GIN1: variants seen among roughly 807,000 people sequenced by gnomAD.
GIN1 encodes the protein gypsy retrotransposon integrase 1, also known as gypsy retrotransposon integrase-like protein 1.
Under a neutral mutation model 51.4 loss-of-function variants are expected in GIN1, and 41 were observed. The ratio of observed to expected loss-of-function variants is 0.80; its 90% CI spans 0.62 to 1.04. The LOEUF is 1.04. Among genes scored for constraint, GIN1 ranks in the 50% least tolerant of loss-of-function variants. The pLI, the probability that GIN1 is intolerant of heterozygous loss-of-function variation, is 0.00. For missense variants in GIN1, 610 were observed against 612.4 expected (o/e 1.00, Z 0.04); for synonymous variants, 222 against 206.5 (o/e 1.07, Z -0.64).
chr5:103,097,268 C>G (rs918375957), intron 6 of GIN1, 46 bp downstream of exon 6: 1 of 1,176,396 alleles, frequency 8.5e-7, no homozygotes, highest in African/African-American at 1.6e-5. Flanking sequence ...ATAAATATAA[C>G]TTTTATAAAG....
At chr5:103,094,676 T>G (rs1313905931) in intron 7 of GIN1, among the ~76,000 whole-genome samples, 1 of 152,184 alleles carries the variant, frequency 6.6e-6, no homozygotes, top group Non-Finnish European at 1.5e-5. Flanking sequence ...TAAAGAAGCT[T>G]AACACTTTAG....
rs78421729 is a variant in GIN1 at position 103,102,943 on chromosome 5, C to T, written c.639+1598G>A. ...TTCAATTTATGAGTATTTTAAATTG[C>T]TACTAAGTGGTTAGAACATAAATAC... On this transcript the variant is annotated intron_variant, in intron 4 of 7. Coordinates refer to ENST00000399004, the MANE Select transcript of GIN1 (RefSeq NM_017676.2). Among the ~76,000 whole-genome samples the T allele has an allele frequency of 2.2e-4, 34 of 152,200 alleles. No individual in the cohort carries two copies. In the East Asian group the frequency reaches 5.8e-3, roughly 26 times the overall value.
At chr5:103,093,289 G>A (rs1046460583) in intron 7 of GIN1, among the ~76,000 whole-genome samples, 1 of 152,136 alleles carries the variant, frequency 6.6e-6, no homozygotes, top group East Asian at 1.9e-4. Context: ...CAAGGTCAAG[G>A]GTCCTCAAAT....
intron 2 of GIN1, among the ~76,000 whole-genome samples, chr5:103,107,150 T>C (rs1257054031): frequency 6.6e-6 from 1 of 152,050 alleles, no homozygotes; most frequent in African/African-American, 2.4e-5. Context: ...TCAATATAAG[T>C]AGAGCAAGCT....
At chr5:103,117,216 A>G (rs1554197468) in intron 1 of GIN1, among the ~76,000 whole-genome samples, 1 of 152,152 alleles carries the variant, frequency 6.6e-6, no homozygotes, top group East Asian at 1.9e-4. Flanking sequence ...GATAAGGAAC[A>G]AACTATAAAT....
At chr5:103,099,788 GTTCTT>G (rs1195803467) in intron 4 of GIN1, among the ~76,000 whole-genome samples, 2 of 152,108 alleles carry the variant, frequency 1.3e-5, no homozygotes, top group African/African-American at 4.8e-5. Context: ...TTTACAAAAA[GTTCTT>G]TGTGCATTTT....
At chr5:103,100,815 A>G (rs1787551253) in intron 4 of GIN1, among the ~76,000 whole-genome samples, 1 of 152,154 alleles carries the variant, frequency 6.6e-6, no homozygotes, top group African/African-American at 2.4e-5. Flanking sequence ...ATACCTTGAA[A>G]CATTATATGC....
intron 1 of GIN1, among the ~76,000 whole-genome samples, chr5:103,117,053 C>T (rs1788050752): frequency 1.3e-5 from 2 of 151,958 alleles, no homozygotes; most frequent in African/African-American, 2.4e-5. Flanking sequence ...TAGATACTAA[C>T]CCAAAAGAAA....
intron 1 of GIN1, among the ~76,000 whole-genome samples, chr5:103,118,751 T>G (rs1354014220): frequency 2.6e-5 from 2 of 77,298 alleles, no homozygotes; most frequent in Non-Finnish European, 6.6e-5. Flanking sequence ...TGAAAGTTGT[T>G]TTTTTTTTTT....
chr5:103,090,993 A>G (rs149800883), intron 7 of GIN1, among the ~76,000 whole-genome samples: 2 of 152,296 alleles, frequency 1.3e-5, no homozygotes, highest in African/African-American at 4.8e-5. Flanking sequence ...GAGAACAAGG[A>G]CTACACACAG....
intron 7 of GIN1, among the ~76,000 whole-genome samples, chr5:103,092,945 C>CAAAAAAAAAA (rs5870040): frequency 3.3e-5 from 2 of 60,476 alleles, no homozygotes; most frequent in African/African-American, 6.4e-5. Context: ...GAACCTGTCT[C>CAAAAAAAAAA]AAAAAAAAAA....
rs1403829561 is a variant in GIN1 at position 103,101,692 on chromosome 5, C to CA, written c.639+2848dup. ...CATACTTTCATTCAACTGCTGAAAGCAAAAGTATGGGTGAGGAAACATGTG... is the reference window on the plus strand; with the variant it reads ...CATACTTTCATTCAACTGCTGAAAGCAAAAAGTATGGGTGAGGAAACATGTG... On this transcript the variant is annotated intron_variant, in intron 4 of 7. Coordinates refer to ENST00000399004, the MANE Select transcript of GIN1 (RefSeq NM_017676.2). 2.0e-5 allele frequency among the ~76,000 whole-genome samples: 3 copies of CA among 152,172 alleles called. No individual in the cohort carries two copies. The South Asian group carries it at 6.2e-4, about 31-fold the overall frequency.
intron 7 of GIN1, among the ~76,000 whole-genome samples, chr5:103,089,743 T>C (rs1043093691): frequency 2.0e-5 from 3 of 152,166 alleles, no homozygotes; most frequent in Non-Finnish European, 4.4e-5. Context: ...AATGGAAGTG[T>C]CTCAGAACAG....
rs1787400979 is a variant in GIN1, at chr5:103,096,633, C to T, written c.1202G>A (p.Cys401Tyr). The T allele has an allele frequency of 6.2e-7, 1 of 1,613,390 alleles. No individual in the cohort carries two copies. Among genetic ancestry groups the T allele is most frequent in the African/African-American group, 1.3e-5 (1 of 75,034 alleles). ...CVIDYITESGCAVLRDNTGVR... is the reference protein window; with the variant it reads ...CVIDYITESGYAVLRDNTGVR... ...CCCAGTGTTGTCTCTCAGGACAGCA[C>T]ATCCACTTTCTGTAATATAGTCTAT... The change falls in exon 7 of 8, where the codon TGT becomes TAT. Residue 401 changes from cysteine (C) to tyrosine (Y), a missense_variant. Coordinates refer to ENST00000399004, the MANE Select transcript of GIN1 (RefSeq NM_017676.2).
chr5:103,115,868 A>C (rs183009779), intron 1 of GIN1, among the ~76,000 whole-genome samples: 148 of 152,280 alleles, frequency 9.7e-4, no homozygotes, highest in African/African-American at 3.4e-3. Flanking sequence ...GATGACATCC[A>C]ATTCACAAAT....
chr5:103,111,966 T>C (rs1393514916), intron 1 of GIN1, among the ~76,000 whole-genome samples: 1 of 152,192 alleles, frequency 6.6e-6, no homozygotes, highest in Non-Finnish European at 1.5e-5. Context: ...AAAGGTCTAT[T>C]TACTGAAATT....
chr5:103,090,223 A>C (rs1408001762), intron 7 of GIN1, among the ~76,000 whole-genome samples: 1 of 152,208 alleles, frequency 6.6e-6, no homozygotes, highest in Non-Finnish European at 1.5e-5. Context: ...CAGGAGGTGG[A>C]GGTTGCAGTA....
In GIN1 at chr5:103,086,058, G is replaced by GTC. The variant is rs1787067815; in HGVS notation, c.*1839_*1840insGA. The GTC allele has an allele frequency of 6.6e-6, 1 of 152,150 alleles. No individual in the cohort carries two copies. The highest frequency in any genetic ancestry group is 6.5e-5 in the Admixed American group (1 of 15,272). 9.4% of individuals were successfully genotyped at this position (152,150 alleles called of 1,614,324 possible). A position where few individuals can be genotyped will look rare whatever the true frequency, so the allele number is the denominator to read the frequency against. On this transcript the variant is annotated 3_prime_UTR_variant, in exon 8 of 8. Transcript: ENST00000399004. Reference sequence around the variant, plus strand: ...TTCTGGAGGCAAAAGTCTGAGATAAGGTATTGACAGGGTTGGTCTTCTGAG... The same window carrying GTC: ...TTCTGGAGGCAAAAGTCTGAGATAAGTCGTATTGACAGGGTTGGTCTTCTGAG...
chr5:103,092,538 G>A (rs1429630642), intron 7 of GIN1, among the ~76,000 whole-genome samples: 1 of 152,050 alleles, frequency 6.6e-6, no homozygotes, highest in Non-Finnish European at 1.5e-5. Context: ...AGAATGTGCT[G>A]CCATACTAGT....
Sources: allele counts gnomAD v4.1 joint callset (sites outside exome capture counted in the v4.1 genomes callset), GRCh38; gene constraint gnomAD v4.1.1; transcripts MANE v1.5; gene names NCBI Gene and HGNC (gene_info 2026-07-23, HGNC 2026-07-21).